Variants in TBC1D32 observed in about 807,000 individuals in gnomAD.
The protein encoded by TBC1D32 is protein broad-minded.
A neutral mutation model predicts 170.3 loss-of-function variants in TBC1D32; 151 were observed. The ratio of observed to expected loss-of-function variants is 0.89; its 90% CI spans 0.78 to 1.01. TBC1D32 has a LOEUF of 1.01. Ranked by LOEUF, TBC1D32 falls within the 50% of genes least tolerant of loss-of-function variation. The pLI is 0.00. For synonymous variants in TBC1D32, 498 were observed against 488.0 expected (o/e 1.02, Z -0.27); for missense variants, 1,464 against 1,457.1 (o/e 1.00, Z -0.08).
intron 23 of TBC1D32, among the ~76,000 whole-genome samples, chr6:121,160,446 C>T (rs573946642): frequency 2.0e-5 from 3 of 148,236 alleles, no homozygotes; most frequent in African/African-American, 7.3e-5. Context: ...AAAACTTTTT[C>T]TCGTGCTGTC....
At chr6:121,170,501 A>T in intron 22 of TBC1D32, 2 of 1,601,564 alleles carry the variant, frequency 1.2e-6, no homozygotes, top group East Asian at 4.5e-5. Flanking sequence ...AAGAGTGTCC[A>T]GATCACAGCA....
At chr6:121,095,692 G>A (rs971330201) in intron 30 of TBC1D32, among the ~76,000 whole-genome samples, 3 of 151,528 alleles carry the variant, frequency 2.0e-5, no homozygotes, top group Admixed American at 6.6e-5. Flanking sequence ...TGAGATAATC[G>A]TGGTTTTTGT....
intron 26 of TBC1D32, among the ~76,000 whole-genome samples, chr6:121,118,832 G>T (rs1203091121): frequency 1.3e-5 from 2 of 152,106 alleles, no homozygotes; most frequent in Non-Finnish European, 2.9e-5. Context: ...TTGTATCCAT[G>T]CATTTTATTC....
At chr6:121,160,140 G>A (rs1321258801) in intron 23 of TBC1D32, 37 bp from the exon 24 acceptor site, 1 of 1,272,034 alleles carries the variant, frequency 7.9e-7, no homozygotes, top group African/African-American at 1.5e-5. Context: ...TTAGGAAGTG[G>A]TCTAAAATAA....
Position 121,308,686 on chromosome 6 carries a change from C to CTTTTTTTTTTTTTTTT in TBC1D32, c.565-601_565-586dup, listed in dbSNP as rs67847088. Among the ~76,000 whole-genome samples the CTTTTTTTTTTTTTTTT allele has an allele frequency of 3.0e-3, 337 of 112,490 alleles. 28 individuals carry two copies. Among genetic ancestry groups the CTTTTTTTTTTTTTTTT allele is most frequent in the African/African-American group, 0.012 (322 of 25,790 alleles). 73.8% of individuals were successfully genotyped at this position (112,490 alleles called of 152,430 possible). On this transcript the variant is annotated intron_variant, in intron 4 of 31. Coordinates refer to ENST00000398212, the MANE Select transcript of TBC1D32 (RefSeq NM_152730.6). ...CTGTATTTTCACAGAAAGCTTACTT[C>CTTTTTTTTTTTTTTTT]TTTTTTTTTTTTTTTTTTTTGAGAC... is the stretch of plus-strand genomic sequence containing the variant.
intron 12 of TBC1D32, among the ~76,000 whole-genome samples, chr6:121,286,250 G>C (rs1487309451): frequency 6.6e-6 from 1 of 152,076 alleles, no homozygotes; most frequent in Non-Finnish European, 1.5e-5. Context: ...AAAAAAATTG[G>C]ATAAATGGCT....
At chr6:121,325,127 G>A (rs1207080673) in intron 1 of TBC1D32, among the ~76,000 whole-genome samples, 1 of 151,026 alleles carries the variant, frequency 6.6e-6, no homozygotes, top group African/African-American at 2.4e-5. Context: ...CAGGAGAATC[G>A]CTTGAGCCCA....
chr6:121,288,892 A>T (rs1374089210), intron 12 of TBC1D32, among the ~76,000 whole-genome samples: 1 of 152,178 alleles, frequency 6.6e-6, no homozygotes, highest in Non-Finnish European at 1.5e-5. Flanking sequence ...AACAGAACCA[A>T]CGACAAAAAC....
chr6:121,304,445 T>C lies in TBC1D32; in HGVS notation c.874-19A>G, dbSNP rs765944064. 3.1e-6 allele frequency: 5 copies of C among 1,609,732 alleles called. No homozygotes were observed. Among genetic ancestry groups the C allele is most frequent in the Middle Eastern group, 1.7e-4 (1 of 6,024 alleles). On this transcript the variant is annotated intron_variant, in intron 7 of 31. Transcript: ENST00000398212. ...GACGAACCTACAAAGCAGTGCACAA[T>C]AGTTCTCAAAAAATTAGCATCCTCA...
rs1193636693 is a variant in TBC1D32 at position 121,092,253 on chromosome 6, AG to A, written c.3466-1213del. On this transcript the variant is annotated intron_variant, in intron 30 of 31. Transcript: ENST00000398212. ...TACAAATTACTTTACCTTCGACAAA[AG>A]ATTCCCCTTATTGAATATCTCTTCT... 2.6e-4 allele frequency among the ~76,000 whole-genome samples: 39 copies of A among 150,036 alleles called. 1 individual carries two copies. Among genetic ancestry groups the A allele is most frequent in the Non-Finnish European group, 4.4e-4 (30 of 67,646 alleles).
At chr6:121,268,235 A>C (rs914048757) in intron 15 of TBC1D32, among the ~76,000 whole-genome samples, 15 of 152,154 alleles carry the variant, frequency 9.9e-5, no homozygotes, top group Non-Finnish European at 2.2e-4. Flanking sequence ...CGCCAGCAAC[A>C]GAACAAAGCT....
chr6:121,224,877 T>A (rs973331868), intron 20 of TBC1D32, among the ~76,000 whole-genome samples: 22 of 152,100 alleles, frequency 1.4e-4, no homozygotes, highest in African/African-American at 5.3e-4. Flanking sequence ...TTTTTCCCTA[T>A]AATACAATAT....
chr6:121,194,883 G>T (rs1301406418), intron 22 of TBC1D32, among the ~76,000 whole-genome samples: 1 of 152,130 alleles, frequency 6.6e-6, no homozygotes, highest in Non-Finnish European at 1.5e-5. Context: ...CAAACACACT[G>T]GAATTATTGC....
At chr6:121,264,998 C>A (rs909857032) in intron 15 of TBC1D32, among the ~76,000 whole-genome samples, 1 of 152,056 alleles carries the variant, frequency 6.6e-6, no homozygotes, top group Non-Finnish European at 1.5e-5. Flanking sequence ...CTTTCAAAAC[C>A]AGCAAAAGAC....
intron 1 of TBC1D32, among the ~76,000 whole-genome samples, chr6:121,322,756 T>C (rs1476975238): frequency 6.6e-6 from 1 of 152,198 alleles, no homozygotes; most frequent in African/African-American, 2.4e-5. Flanking sequence ...GTAAACACTT[T>C]ATAAATACTT....
chr6:121,299,726 G>A (rs1184618658), intron 9 of TBC1D32, among the ~76,000 whole-genome samples: 1 of 152,110 alleles, frequency 6.6e-6, no homozygotes, highest in Non-Finnish European at 1.5e-5. Context: ...TTTAGTGACT[G>A]ACCAGTAGAA....
chr6:121,134,056 T>C (rs1031765103), intron 24 of TBC1D32, among the ~76,000 whole-genome samples: 6 of 152,152 alleles, frequency 3.9e-5, no homozygotes, highest in Admixed American at 3.9e-4. Context: ...TTCGACATTA[T>C]TGAAATTGAA....
chr6:121,099,019 A>T (rs907293920), intron 30 of TBC1D32, among the ~76,000 whole-genome samples: 2 of 151,972 alleles, frequency 1.3e-5, no homozygotes, highest in Non-Finnish European at 2.9e-5. Flanking sequence ...TTACATTTTC[A>T]AAAAGCAATG....
At chr6:121,232,199 GT>G (rs1243274511) in intron 20 of TBC1D32, among the ~76,000 whole-genome samples, 2 of 151,988 alleles carry the variant, frequency 1.3e-5, no homozygotes, top group Non-Finnish European at 2.9e-5. Context: ...ACCACTTTAT[GT>G]TTTTGTTTAC....
Sources: gnomAD v4.1 joint callset for allele counts (sites outside exome capture counted in the v4.1 genomes callset) on GRCh38, gnomAD v4.1.1 for gene constraint, MANE v1.5 for transcripts, NCBI Gene and HGNC (gene_info 2026-07-23, HGNC 2026-07-21) for gene names.